The following GPRASP3 variants were observed in gnomAD, a reference collection of about 807,000 sequenced individuals.
GPRASP3 encodes G protein-coupled receptor associated sorting protein family member 3, also known as G protein-coupled receptor associated sorting protein 3.
At chrX:102,746,658 T>C in the GPRASP3 span, among the ~76,000 whole-genome samples, 1 of 112,626 alleles carries the variant, frequency 8.9e-6, no homozygotes, top group Non-Finnish European at 1.9e-5. Flanking sequence ...CCCCGTGTCT[T>C]GGGTGCTGTC....
chrX:102,749,402 A>G, the GPRASP3 span: 7 of 1,210,431 alleles, frequency 5.8e-6, no homozygotes, highest in Non-Finnish European at 7.8e-6. Context: ...TTCAGCACTA[A>G]GAATGATAAA....
chrX:102,739,604 A>C, the GPRASP3 span, among the ~76,000 whole-genome samples: 2 of 111,842 alleles, frequency 1.8e-5, no homozygotes. Context: ...TGGTGGCTTA[A>C]AAAGCAAGAG....
At chrX:102,740,134 C>T in the GPRASP3 span, among the ~76,000 whole-genome samples, 1 of 111,974 alleles carries the variant, frequency 8.9e-6, no homozygotes, top group Non-Finnish European at 1.9e-5. Flanking sequence ...CTCAGCCTCA[C>T]CACTCTCATA....
At chrX:102,741,545 T>C in the GPRASP3 span, among the ~76,000 whole-genome samples, 127 of 112,094 alleles carry the variant, frequency 1.1e-3, no homozygotes, top group African/African-American at 3.7e-3. Flanking sequence ...TTTAGTGCAA[T>C]AGGTGTGGGC....
At chrX:102,722,361 C>T in the GPRASP3 span, among the ~76,000 whole-genome samples, 1 of 112,202 alleles carries the variant, frequency 8.9e-6, no homozygotes, top group Non-Finnish European at 1.9e-5. Context: ...CAGAAGGGTC[C>T]CAAATGCAGA....
the GPRASP3 span, among the ~76,000 whole-genome samples, chrX:102,735,737 A>T: frequency 8.9e-6 from 1 of 112,165 alleles, no homozygotes; most frequent in Admixed American, 9.4e-5. Context: ...TTTTTCACAA[A>T]CTTTCCACAA....
At chrX:102,748,789 C>T in the GPRASP3 span, 2,004 of 371,738 alleles carry the variant, frequency 5.4e-3, 23 homozygotes, top group African/African-American at 0.046. Context: ...CATTCTCCCC[C>T]AGCCCGAGCG....
the GPRASP3 span, among the ~76,000 whole-genome samples, chrX:102,725,650 G>A: frequency 1.8e-5 from 2 of 108,978 alleles, no homozygotes; most frequent in South Asian, 4.0e-4. Flanking sequence ...CCTCAGCCCC[G>A]CTAGTAGCTG....
the GPRASP3 span, among the ~76,000 whole-genome samples, chrX:102,745,476 G>A: frequency 1.8e-5 from 2 of 111,025 alleles, no homozygotes; most frequent in African/African-American, 6.6e-5. Flanking sequence ...CCATGAAGCT[G>A]GGAAAGAAAC....
the GPRASP3 span, chrX:102,751,093 G>A: frequency 8.0e-6 from 1 of 125,688 alleles, no homozygotes. Flanking sequence ...GGAGGCAGGA[G>A]TTCCTATAGG....
chrX:102,733,724 A>T, the GPRASP3 span, among the ~76,000 whole-genome samples: 1 of 108,914 alleles, frequency 9.2e-6, no homozygotes, highest in South Asian at 4.0e-4. Context: ...CTTGATATTC[A>T]TGAACATTTC....
chrX:102,750,232 A>G, the GPRASP3 span: 3 of 1,199,718 alleles, frequency 2.5e-6, no homozygotes. Context: ...TAAAGAAACC[A>G]TGTCATTTCC....
At chrX:102,731,646 G>C in the GPRASP3 span, among the ~76,000 whole-genome samples, 2 of 110,404 alleles carry the variant, frequency 1.8e-5, no homozygotes, top group Non-Finnish European at 3.8e-5. Context: ...AAAAAAAAAG[G>C]CTTCAGAACA....
chrX:102,723,532 T>G, the GPRASP3 span, among the ~76,000 whole-genome samples: 1 of 112,131 alleles, frequency 8.9e-6, no homozygotes, highest in Non-Finnish European at 1.9e-5. Context: ...TCTTGTCTCT[T>G]GTCTCTGTGT....
the GPRASP3 span, among the ~76,000 whole-genome samples, chrX:102,745,678 G>A: frequency 2.7e-5 from 3 of 111,424 alleles, no homozygotes; most frequent in African/African-American, 9.8e-5. Context: ...GACACACCAA[G>A]GGGCGGTTTG....
the GPRASP3 span, chrX:102,749,568 A>T: frequency 8.3e-7 from 1 of 1,211,056 alleles, no homozygotes; most frequent in Non-Finnish European, 1.1e-6. Context: ...CTAATCCTAA[A>T]CCTGTGAGCA....
the GPRASP3 span, among the ~76,000 whole-genome samples, chrX:102,722,020 C>G: frequency 8.9e-6 from 1 of 112,076 alleles, no homozygotes; most frequent in African/African-American, 3.2e-5. Context: ...CCAAGCAATT[C>G]TCTTATTCTT....
chrX:102,741,049 A>G, the GPRASP3 span, among the ~76,000 whole-genome samples: 1 of 111,533 alleles, frequency 9.0e-6, no homozygotes, highest in African/African-American at 3.3e-5. Context: ...AAGGGTAACA[A>G]GTGTCCGAGT....
the GPRASP3 span, among the ~76,000 whole-genome samples, chrX:102,734,582 A>G: frequency 9.0e-6 from 1 of 111,526 alleles, no homozygotes; most frequent in Non-Finnish European, 1.9e-5. Context: ...GGGCTACTGC[A>G]CTCCAGCCTG....
Sources: allele counts gnomAD v4.1 joint callset (sites outside exome capture counted in the v4.1 genomes callset), GRCh38; gene constraint gnomAD v4.1.1; transcripts MANE v1.5; gene names NCBI Gene and HGNC (gene_info 2026-07-23, HGNC 2026-07-21).